SLCO3A1: variants seen among roughly 807,000 people sequenced by gnomAD.
SLCO3A1 encodes PGE1 transporter.
In SLCO3A1, 27 loss-of-function variants were observed where a neutral mutation model predicts 63.1. That is an observed-to-expected ratio of 0.43 (90% CI 0.32 to 0.59). SLCO3A1 has a LOEUF of 0.59. Ranked by LOEUF, SLCO3A1 falls within the 20% of genes least tolerant of loss-of-function variation. The pLI is 0.09. For synonymous variants in SLCO3A1, 473 were observed against 409.9 expected (o/e 1.15, Z -1.86); for missense variants, 773 against 945.8 (o/e 0.82, Z 2.40).
In SLCO3A1 at chr15:91,893,793, C is replaced by T. The variant is rs758182070; in HGVS notation, c.181-22200C>T. Among the ~76,000 whole-genome samples, 4 of 152,148 alleles carry T rather than the reference C, an allele frequency of 2.6e-5. No individual in the cohort carries two copies. In the East Asian group the frequency reaches 5.8e-4, roughly 22 times the overall value. ...CTATTTATCCATCTATCCATCTATT[C>T]GACAAATGTTTGTTAAGTTCCTGTT... On this transcript the variant is annotated intron_variant, in intron 1 of 9. Transcript: ENST00000318445.
intron 4 of SLCO3A1, among the ~76,000 whole-genome samples, chr15:92,116,980 T>C (rs894216122): frequency 4.6e-5 from 7 of 152,362 alleles, no homozygotes; most frequent in African/African-American, 1.7e-4. Context: ...TCAAACCTAA[T>C]GATTTTTCAC....
intron 2 of SLCO3A1, among the ~76,000 whole-genome samples, chr15:91,944,679 G>C (rs1273274459): frequency 6.6e-6 from 1 of 152,084 alleles, no homozygotes; most frequent in Non-Finnish European, 1.5e-5. Context: ...TCTCCCCCGA[G>C]ATGCTTTTCA....
chr15:92,128,538 T>C, intron 7 of SLCO3A1, 49 bp downstream of exon 7: 4 of 1,549,054 alleles, frequency 2.6e-6, no homozygotes, highest in Non-Finnish European at 3.5e-6. Flanking sequence ...GCAGCTAAAG[T>C]GGCTTAAAAC....
chr15:91,952,109 T>C (rs1315629322), intron 2 of SLCO3A1, among the ~76,000 whole-genome samples: 1 of 152,236 alleles, frequency 6.6e-6, no homozygotes, highest in African/African-American at 2.4e-5. Context: ...ATTTTTCTAA[T>C]GACTAATGAT....
At position 92,151,022 on chromosome 15, in the gene SLCO3A1, T is replaced by G; in HGVS notation, c.1753+8T>G. The G allele has an allele frequency of 6.3e-7, 1 of 1,590,678 alleles. No homozygotes were observed. The highest frequency in any genetic ancestry group is 1.7e-5 in the Admixed American group (1 of 59,320). On this transcript the variant is annotated splice_region_variant and intron_variant, in intron 9 of 9. Transcript: ENST00000318445. ...TCCTCCTTCGTTTGTTGGGTATGTA[T>G]TATCTCTTTATTTCCTCAATAATGA...
At chr15:91,870,830 G>T (rs549643967) in intron 1 of SLCO3A1, among the ~76,000 whole-genome samples, 1 of 149,462 alleles carries the variant, frequency 6.7e-6, no homozygotes, top group East Asian at 2.0e-4. Context: ...TTATTTTCTA[G>T]GGTTGGCTTT....
intron 1 of SLCO3A1, among the ~76,000 whole-genome samples, chr15:91,861,765 C>T (rs943083809): frequency 5.9e-5 from 9 of 151,560 alleles, no homozygotes; most frequent in African/African-American, 1.5e-4. Context: ...CTGGGACTAC[C>T]GGCACATACC....
At chr15:91,878,085 CTTTTTT>C (rs757889262) in intron 1 of SLCO3A1, among the ~76,000 whole-genome samples, 1 of 119,854 alleles carries the variant, frequency 8.3e-6, no homozygotes, top group Non-Finnish European at 1.7e-5. Context: ...GGATTTAGGC[CTTTTTT>C]TTTTTTTTTT....
chr15:92,121,036 C>T (rs2047856819), intron 5 of SLCO3A1, among the ~76,000 whole-genome samples: 1 of 152,042 alleles, frequency 6.6e-6, no homozygotes, highest in African/African-American at 2.4e-5. Context: ...AAGCCATACA[C>T]TCCCTACTCC....
At chr15:91,994,471 T>A (rs997405197) in intron 2 of SLCO3A1, among the ~76,000 whole-genome samples, 10 of 152,356 alleles carry the variant, frequency 6.6e-5, no homozygotes, top group African/African-American at 1.7e-4. Context: ...ATCTGCTTTT[T>A]TTAAATGAAC....
At chr15:92,023,034 C>T (rs1312444588) in intron 2 of SLCO3A1, among the ~76,000 whole-genome samples, 1 of 152,172 alleles carries the variant, frequency 6.6e-6, no homozygotes, top group Non-Finnish European at 1.5e-5. Flanking sequence ...AAACCGTTCA[C>T]TTTACAGGAG....
intron 1 of SLCO3A1, among the ~76,000 whole-genome samples, chr15:91,876,182 C>T (rs1897394010): frequency 1.3e-5 from 2 of 152,200 alleles, no homozygotes; most frequent in South Asian, 4.1e-4. Flanking sequence ...CTGCTAAATT[C>T]TTGTCTTCAG....
chr15:91,963,218 G>A (rs1900517115), intron 2 of SLCO3A1, among the ~76,000 whole-genome samples: 1 of 152,154 alleles, frequency 6.6e-6, no homozygotes, highest in Admixed American at 6.5e-5. Flanking sequence ...TAGGCAAGAT[G>A]CTTGGTGGGC....
Position 91,857,256 on chromosome 15 carries a change from A to G in SLCO3A1, c.180+3168A>G, listed in dbSNP as rs187576657. On this transcript the variant is annotated intron_variant, in intron 1 of 9. Transcript: ENST00000318445. ...TGCCTTGGTGTCAGGCAGTACAGAAAGACACTGATCCTGAAAGCCAGACTC... is the reference window on the plus strand; with the variant it reads ...TGCCTTGGTGTCAGGCAGTACAGAAGGACACTGATCCTGAAAGCCAGACTC... Among the ~76,000 whole-genome samples the G allele has an allele frequency of 5.6e-4, 85 of 152,290 alleles. 2 individuals are homozygous for G. The highest frequency in any genetic ancestry group is 5.5e-3 in the Admixed American group (84 of 15,300).
chr15:92,159,468 A>G (rs2048410268), intron 9 of SLCO3A1, among the ~76,000 whole-genome samples: 1 of 151,660 alleles, frequency 6.6e-6, no homozygotes, highest in Admixed American at 6.6e-5. Context: ...CTGGCCACAG[A>G]ACGAAACTCT....
intron 1 of SLCO3A1, among the ~76,000 whole-genome samples, chr15:91,880,581 A>G: frequency 6.6e-6 from 1 of 151,680 alleles, no homozygotes; most frequent in East Asian, 1.9e-4. Context: ...TTGTCATTTT[A>G]CGAATGTTAC....
chr15:92,016,778 A>AAGG (rs979130398), intron 2 of SLCO3A1, among the ~76,000 whole-genome samples: 1 of 152,266 alleles, frequency 6.6e-6, no homozygotes, highest in African/African-American at 2.4e-5. Context: ...ACAGTCATAA[A>AAGG]AGGAGGAGGA....
rs368249261 is a variant in SLCO3A1, at chr15:92,015,415, G to C, written c.647-79466G>C. 2.7e-3 allele frequency among the ~76,000 whole-genome samples: 406 copies of C among 152,204 alleles called. 3 individuals carry two copies. Among genetic ancestry groups the C allele is most frequent in the African/African-American group, 9.2e-3 (381 of 41,538 alleles). On this transcript the variant is annotated intron_variant, in intron 2 of 9. Transcript: ENST00000318445. Reference sequence around the variant, plus strand: ...CGCAAGGCAGCAGAAAGAGAGAAAAGCCCAGGGGGAACTGCCACTTCTAAA... The same window carrying C: ...CGCAAGGCAGCAGAAAGAGAGAAAACCCCAGGGGGAACTGCCACTTCTAAA...
intron 1 of SLCO3A1, among the ~76,000 whole-genome samples, chr15:91,858,249 A>G (rs1896971740): frequency 6.6e-6 from 1 of 152,196 alleles, no homozygotes; most frequent in Non-Finnish European, 1.5e-5. Flanking sequence ...TCAAATTACT[A>G]TGATGACTAA....
Sources: gnomAD v4.1 joint callset for allele counts (sites outside exome capture counted in the v4.1 genomes callset) on GRCh38, gnomAD v4.1.1 for gene constraint, MANE v1.5 for transcripts, NCBI Gene and HGNC (gene_info 2026-07-23, HGNC 2026-07-21) for gene names.